Variants in LRRTM4 observed in about 807,000 individuals in gnomAD.
LRRTM4 encodes the protein leucine rich repeat transmembrane neuronal 4.
Under a neutral mutation model 47.6 loss-of-function variants are expected in LRRTM4, and 25 were observed. That is an observed-to-expected ratio of 0.53 (90% CI 0.38 to 0.73). LRRTM4 has a LOEUF of 0.73. LRRTM4 is among the 30% of genes least tolerant of loss of function. The probability of loss-of-function intolerance (pLI) is 0.00; values close to 1 mark genes in which losing one functional copy is unlikely to be tolerated. For synonymous variants in LRRTM4, 311 were observed against 269.5 expected, an observed-to-expected ratio of 1.15 and a Z score of -1.51; for missense variants, 638 against 713.4, an observed-to-expected ratio of 0.89 and a Z score of 1.20.
At chr2:76,992,874 T>C (rs10196758) in intron 3 of LRRTM4, among the ~76,000 whole-genome samples, 74,244 of 148,028 alleles carry the variant, frequency 0.5, 19,394 homozygotes, top group African/African-American at 0.63. Context: ...CTTCAAATTA[T>C]ACTATAAGGC....
At chr2:77,158,167 C>G (rs796175840) in intron 3 of LRRTM4, among the ~76,000 whole-genome samples, 80 of 152,206 alleles carry the variant, frequency 5.3e-4, no homozygotes, top group African/African-American at 1.8e-3. Context: ...CTCTCTCGAA[C>G]TGTGTGGTGG....
chr2:77,411,766 G>C (rs533928979), intron 3 of LRRTM4, among the ~76,000 whole-genome samples: 1 of 151,366 alleles, frequency 6.6e-6, no homozygotes, highest in Admixed American at 6.6e-5. Context: ...CACCGCGCCC[G>C]GCCCCCAGGG....
At chr2:77,011,502 C>G (rs1240896787) in intron 3 of LRRTM4, among the ~76,000 whole-genome samples, 1 of 149,702 alleles carries the variant, frequency 6.7e-6, no homozygotes, top group East Asian at 2.0e-4. Flanking sequence ...CTAAAGTCAG[C>G]CACCAGACTG....
intron 3 of LRRTM4, among the ~76,000 whole-genome samples, chr2:77,175,618 C>T (rs912671403): frequency 2.0e-5 from 3 of 152,180 alleles, no homozygotes; most frequent in Admixed American, 1.3e-4. Flanking sequence ...TTGACCTCCA[C>T]CTTCTCACCA....
chr2:77,058,308 G>C (rs1679673142), intron 3 of LRRTM4, among the ~76,000 whole-genome samples: 1 of 152,132 alleles, frequency 6.6e-6, no homozygotes, highest in Non-Finnish European at 1.5e-5. Flanking sequence ...AAAGGAACCA[G>C]AACCAGCCTG....
At chr2:77,326,009 C>T (rs555228319) in intron 3 of LRRTM4, among the ~76,000 whole-genome samples, 1 of 152,188 alleles carries the variant, frequency 6.6e-6, no homozygotes, top group Non-Finnish European at 1.5e-5. Context: ...CCTTTCCTCA[C>T]TCTGCTCCCC....
At chr2:77,456,779 C>T (rs1468735815) in intron 3 of LRRTM4, among the ~76,000 whole-genome samples, 1 of 151,714 alleles carries the variant, frequency 6.6e-6, no homozygotes. Context: ...CTTATTCTGT[C>T]ATTCTTAACA....
intron 3 of LRRTM4, among the ~76,000 whole-genome samples, chr2:77,056,209 GAATA>G (rs369796953): frequency 0.015 from 2,269 of 149,184 alleles, 63 homozygotes; most frequent in African/African-American, 0.053. Flanking sequence ...GCTAATGTGA[GAATA>G]ATTATGTGAT....
chr2:77,473,921 T>C (rs947204693), intron 3 of LRRTM4, among the ~76,000 whole-genome samples: 1 of 152,174 alleles, frequency 6.6e-6, no homozygotes, highest in Non-Finnish European at 1.5e-5. Flanking sequence ...AATAACCATT[T>C]GCTCAATTAG....
At chr2:77,237,817 A>T (rs922414546) in intron 3 of LRRTM4, among the ~76,000 whole-genome samples, 4 of 152,172 alleles carry the variant, frequency 2.6e-5, no homozygotes, top group East Asian at 3.9e-4. Flanking sequence ...CTAGGAAAAG[A>T]TAGCAAACCC....
At position 77,062,100 on chromosome 2, in the gene LRRTM4, C is replaced by T. The variant is rs13401497; in HGVS notation, c.1552-313184G>A. Among the ~76,000 whole-genome samples the T allele has an allele frequency of 8.4e-3, 1,277 of 152,184 alleles. 19 individuals are homozygous for T. Among genetic ancestry groups the T allele is most frequent in the African/African-American group, 0.03 (1,228 of 41,524 alleles). On this transcript the variant is annotated intron_variant, in intron 3 of 3. Coordinates refer to ENST00000409884, the MANE Select transcript of LRRTM4 (RefSeq NM_001134745.3). ...TGACTGAAATATTTTCGTCATTGGTCAGTGATGGATTGAATTAACCCTTGG... is the reference window on the plus strand; with the variant it reads ...TGACTGAAATATTTTCGTCATTGGTTAGTGATGGATTGAATTAACCCTTGG...
intron 3 of LRRTM4, among the ~76,000 whole-genome samples, chr2:76,942,061 C>A (rs937149184): frequency 2.6e-5 from 4 of 152,124 alleles, no homozygotes; most frequent in African/African-American, 9.7e-5. Context: ...CTCTAATGAC[C>A]AGTGATGATG....
chr2:76,860,679 T>C (rs78284187), intron 3 of LRRTM4, among the ~76,000 whole-genome samples: 6,388 of 152,106 alleles, frequency 0.042, 439 homozygotes, highest in African/African-American at 0.14. Context: ...CTTAATTCTG[T>C]AAAAGAGAAA....
intron 3 of LRRTM4, among the ~76,000 whole-genome samples, chr2:77,208,210 T>G (rs114048775): frequency 6.6e-6 from 1 of 151,904 alleles, no homozygotes; most frequent in Non-Finnish European, 1.5e-5. Flanking sequence ...GTATAGAATA[T>G]AGTGGGGAAG....
intron 3 of LRRTM4, among the ~76,000 whole-genome samples, chr2:76,947,005 A>C (rs1675343798): frequency 6.6e-6 from 1 of 151,842 alleles, no homozygotes; most frequent in Non-Finnish European, 1.5e-5. Flanking sequence ...TGAAGAGAAT[A>C]ATTATAGAAC....
intron 3 of LRRTM4, among the ~76,000 whole-genome samples, chr2:77,440,367 T>C (rs1675791486): frequency 6.6e-6 from 1 of 151,928 alleles, no homozygotes; most frequent in African/African-American, 2.4e-5. Flanking sequence ...TGAGCCAAGA[T>C]CGTGCCACTG....
chr2:77,442,877 A>G (rs1331591268), intron 3 of LRRTM4, among the ~76,000 whole-genome samples: 5 of 152,272 alleles, frequency 3.3e-5, no homozygotes, highest in Admixed American at 3.3e-4. Flanking sequence ...TTTAACTCCA[A>G]TGGAGAGGAT....
chr2:77,004,031 G>T (rs915770023), intron 3 of LRRTM4, among the ~76,000 whole-genome samples: 15 of 152,148 alleles, frequency 9.9e-5, no homozygotes, highest in South Asian at 4.1e-4. Flanking sequence ...GAACTTGAGA[G>T]AAATAATTTA....
At chr2:77,100,758 G>T (rs1484921522) in intron 3 of LRRTM4, among the ~76,000 whole-genome samples, 2 of 151,520 alleles carry the variant, frequency 1.3e-5, no homozygotes, top group Non-Finnish European at 2.9e-5. Flanking sequence ...TATAATAATG[G>T]TATGGTAGTC....
Sources: gnomAD v4.1 joint callset for allele counts (sites outside exome capture counted in the v4.1 genomes callset) on GRCh38, gnomAD v4.1.1 for gene constraint, MANE v1.5 for transcripts, NCBI Gene and HGNC (gene_info 2026-07-23, HGNC 2026-07-21) for gene names.